The following PCSK5 variants were observed in gnomAD, a reference collection of about 807,000 sequenced individuals.
PCSK5 encodes the protein prohormone convertase 5.
Under a neutral mutation model 233.2 loss-of-function variants are expected in PCSK5, and 129 were observed. The observed-to-expected ratio is 0.55, with a 90% confidence interval of 0.48 to 0.64. The LOEUF (loss-of-function observed/expected upper bound fraction) is 0.64, where lower values mean the gene tolerates loss of function less well. Among genes scored for constraint, PCSK5 ranks in the 30% least tolerant of loss-of-function variants. The probability of loss-of-function intolerance (pLI) is 0.00; values close to 1 mark genes in which losing one functional copy is unlikely to be tolerated. For missense variants in PCSK5, 2,076 were observed against 2,430.1 expected (o/e 0.85, Z 3.06); for synonymous variants, 825 against 879.2 (o/e 0.94, Z 1.09).
At position 76,338,447 on chromosome 9, in the gene PCSK5, G is replaced by A; in HGVS notation, c.4966G>A (p.Gly1656Arg). The A allele has an allele frequency of 1.3e-6, 2 of 1,599,322 alleles. No individual in the cohort carries two copies. Among genetic ancestry groups the A allele is most frequent in the Non-Finnish European group, 1.7e-6 (2 of 1,167,672 alleles). The change falls in exon 35 of 38, where the codon GGA becomes AGA. Residue 1656 changes from glycine (G) to arginine (R), a missense_variant and splice_region_variant. By Grantham distance (125) the Gly-to-Arg change is moderately radical. This residue lies in a region of PCSK5 where 1,510 missense variants were observed against 1,538.1 expected (regional missense o/e 0.98). Coordinates refer to ENST00000674117, the MANE Select transcript of PCSK5 (RefSeq NM_001372043.1). ...RCHPTCDQCKGKGALNCLSCV... is the reference protein window; with the variant it reads ...RCHPTCDQCKRKGALNCLSCV... ...CCATCCGACTTGTGATCAATGCAAA[G>A]GTGAGAGTCTACCTGTCATTTTGCA... is the stretch of plus-strand genomic sequence containing the variant.
rs556770756 is a variant in PCSK5 at position 76,086,220 on chromosome 9, G to A, written c.895-9670G>A. On this transcript the variant is annotated intron_variant, in intron 7 of 37. Coordinates refer to ENST00000674117, the MANE Select transcript of PCSK5 (RefSeq NM_001372043.1). Reference sequence around the variant, plus strand: ...CTTTTCTTCTCCCAAAAATGGCAATGCTGGGATGGTGGATGTACCCAGAAC... The same window carrying A: ...CTTTTCTTCTCCCAAAAATGGCAATACTGGGATGGTGGATGTACCCAGAAC... Among the ~76,000 whole-genome samples, 3 of 152,342 alleles carry A rather than the reference G, an allele frequency of 2.0e-5. No homozygotes were observed. The East Asian group carries it at 5.8e-4, about 29-fold the overall frequency.
At chr9:76,205,255 G>A in intron 20 of PCSK5, 2 of 518,746 alleles carry the variant, frequency 3.9e-6, no homozygotes, top group Non-Finnish European at 3.8e-6. Context: ...AGCTCTGTAG[G>A]TGTAAAACAC....
chr9:76,174,133 GT>G (rs1823466985), intron 13 of PCSK5, among the ~76,000 whole-genome samples: 1 of 152,046 alleles, frequency 6.6e-6, no homozygotes, highest in South Asian at 2.1e-4. Context: ...GTTAATTTTA[GT>G]TCATTTAAGT....
Position 76,015,638 on chromosome 9 carries a change from G to A in PCSK5, c.412-8100G>A, listed in dbSNP as rs7019567. 6.4e-3 allele frequency among the ~76,000 whole-genome samples: 981 copies of A among 152,310 alleles called. 16 individuals are homozygous for A. The highest frequency in any genetic ancestry group is 0.021 in the African/African-American group (874 of 41,556). ...GGGTTTTCATTGAAAAGAATGTTCAGTGGAATGCCCAGGGATCTTAATTTG... is the reference window on the plus strand; with the variant it reads ...GGGTTTTCATTGAAAAGAATGTTCAATGGAATGCCCAGGGATCTTAATTTG... On this transcript the variant is annotated intron_variant, in intron 3 of 37. Coordinates refer to ENST00000674117, the MANE Select transcript of PCSK5 (RefSeq NM_001372043.1).
chr9:76,338,687 T>C (rs1011051713), intron 35 of PCSK5, among the ~76,000 whole-genome samples: 1 of 152,158 alleles, frequency 6.6e-6, no homozygotes, highest in Non-Finnish European at 1.5e-5. Context: ...ATCATCTCCT[T>C]GAGGAAGTAT....
intron 10 of PCSK5, among the ~76,000 whole-genome samples, chr9:76,156,373 T>C (rs1321643658): frequency 2.0e-5 from 3 of 152,206 alleles, no homozygotes; most frequent in African/African-American, 7.2e-5. Flanking sequence ...CATAAAAGTC[T>C]AGAGGCCTCC....
intron 36 of PCSK5, among the ~76,000 whole-genome samples, chr9:76,352,624 TC>T (rs1315252325): frequency 6.6e-6 from 1 of 151,978 alleles, no homozygotes; most frequent in Non-Finnish European, 1.5e-5. Flanking sequence ...CACCTCAGCC[TC>T]CCAAAGTGCT....
At chr9:76,297,319 C>T (rs1366286993) in intron 27 of PCSK5, among the ~76,000 whole-genome samples, 4 of 152,130 alleles carry the variant, frequency 2.6e-5, no homozygotes, top group African/African-American at 2.4e-5. Flanking sequence ...AAGAACTGCT[C>T]GAATGTATTA....
intron 2 of PCSK5, among the ~76,000 whole-genome samples, chr9:75,935,909 C>T (rs558507640): frequency 6.6e-6 from 1 of 152,254 alleles, no homozygotes; most frequent in African/African-American, 2.4e-5. Flanking sequence ...TGGTAAATAT[C>T]GTATCTGCCA....
rs114500033 is a variant in PCSK5, at chr9:76,206,361, A to G, written c.2626+16615A>G. 5.9e-3 allele frequency among the ~76,000 whole-genome samples: 892 copies of G among 152,312 alleles called. 7 individuals are homozygous for G. The highest frequency in any genetic ancestry group is 0.021 in the African/African-American group (860 of 41,560). On this transcript the variant is annotated intron_variant, in intron 20 of 37. Coordinates refer to ENST00000674117, the MANE Select transcript of PCSK5 (RefSeq NM_001372043.1). ...TCTCACTTTCCTCATCTATAAAAAG[A>G]AAGTATTAACAGCAGCAATGCTGAG...
intron 2 of PCSK5, among the ~76,000 whole-genome samples, chr9:75,962,356 C>T (rs529590278): frequency 3.3e-5 from 5 of 152,208 alleles, no homozygotes; most frequent in Non-Finnish European, 7.3e-5. Context: ...CACACCAGGC[C>T]TGGCAACTCG....
chr9:76,079,621 G>A (rs976804502), intron 7 of PCSK5, among the ~76,000 whole-genome samples: 6 of 152,180 alleles, frequency 3.9e-5, no homozygotes, highest in Non-Finnish European at 4.4e-5. Flanking sequence ...AGGAGAAATA[G>A]TTTGACTTCT....
At chr9:76,238,684 T>C (rs770308013) in intron 22 of PCSK5, among the ~76,000 whole-genome samples, 11 of 152,224 alleles carry the variant, frequency 7.2e-5, no homozygotes, top group Non-Finnish European at 1.3e-4. Context: ...ATTGTAGTTA[T>C]TCACAGAGCA....
chr9:76,215,465 C>T lies in PCSK5; in HGVS notation c.2627-12038C>T, dbSNP rs77091537. On this transcript the variant is annotated intron_variant, in intron 20 of 37. Transcript: ENST00000674117. ...ATGGGCTGGGCTAGGCTTTGAAGGCCCAGGACCCCCGATATGGGGCCCAGA... is the reference window on the plus strand; with the variant it reads ...ATGGGCTGGGCTAGGCTTTGAAGGCTCAGGACCCCCGATATGGGGCCCAGA... Among the ~76,000 whole-genome samples the T allele has an allele frequency of 9.0e-3, 1,365 of 152,020 alleles. 17 individuals are homozygous for T. The highest frequency in any genetic ancestry group is 0.032 in the African/African-American group (1,314 of 41,436).
At chr9:75,908,881 A>G (rs1362673875) in intron 1 of PCSK5, among the ~76,000 whole-genome samples, 1 of 104,320 alleles carries the variant, frequency 9.6e-6, no homozygotes, top group African/African-American at 3.7e-5. Flanking sequence ...CTATTTATCT[A>G]TCTATCTATC....
At chr9:76,180,287 A>G (rs1823805280) in intron 15 of PCSK5, among the ~76,000 whole-genome samples, 2 of 151,984 alleles carry the variant, frequency 1.3e-5, no homozygotes, top group South Asian at 4.1e-4. Flanking sequence ...GGTACAATAG[A>G]TTTCTTGAAC....
intron 7 of PCSK5, among the ~76,000 whole-genome samples, chr9:76,080,157 A>G (rs1564013774): frequency 1.3e-5 from 2 of 151,794 alleles, no homozygotes; most frequent in Admixed American, 1.3e-4. Flanking sequence ...TTTTTCCATT[A>G]TCTCTTGAAG....
rs73460341 is a variant in PCSK5, at chr9:76,216,836, C to T, written c.2627-10667C>T. The stretch of plus-strand genomic sequence containing the variant: ...TGAAATATTTTGTGTATACTTACTA[C>T]GCATTTCTTTTTTTGTTTGTTTTTG... On this transcript the variant is annotated intron_variant, in intron 20 of 37. Transcript: ENST00000674117. Among the ~76,000 whole-genome samples the T allele has an allele frequency of 5.3e-3, 806 of 152,142 alleles. 12 individuals are homozygous for T. The highest frequency in any genetic ancestry group is 0.019 in the African/African-American group (777 of 41,512).
chr9:76,063,456 C>T (rs1830114710), intron 5 of PCSK5, among the ~76,000 whole-genome samples: 1 of 103,420 alleles, frequency 9.7e-6, no homozygotes, highest in African/African-American at 3.8e-5. Flanking sequence ...CTCTGGTTTT[C>T]CTAGGCAGAG....
Sources: allele counts gnomAD v4.1 joint callset (sites outside exome capture counted in the v4.1 genomes callset), GRCh38; gene constraint gnomAD v4.1.1; regional missense constraint gnomAD v4.1.1; transcripts MANE v1.5; gene names NCBI Gene and HGNC (gene_info 2026-07-23, HGNC 2026-07-21).